Variants in EFHC1 observed in about 807,000 individuals in gnomAD.
EFHC1 encodes EF-hand domain containing 1, also known as EF-hand domain-containing protein 1.
A neutral mutation model predicts 69.9 loss-of-function variants in EFHC1; 53 were observed. That is an observed-to-expected ratio of 0.76 (90% CI 0.61 to 0.95). EFHC1 has a LOEUF of 0.95. EFHC1 is among the 40% of genes least tolerant of loss of function. The pLI is 0.00. For synonymous variants in EFHC1, 256 were observed against 278.4 expected (o/e 0.92, Z 0.80); for missense variants, 739 against 798.7 (o/e 0.93, Z 0.90).
intron 7 of EFHC1, among the ~76,000 whole-genome samples, chr6:52,474,328 T>G (rs903737018): frequency 6.6e-6 from 1 of 152,132 alleles, no homozygotes; most frequent in Non-Finnish European, 1.5e-5. Context: ...TATGTACATA[T>G]GAGAAGTTGC....
At chr6:52,451,079 C>A (rs1764907194) in intron 3 of EFHC1, among the ~76,000 whole-genome samples, 1 of 152,126 alleles carries the variant, frequency 6.6e-6, no homozygotes, top group Admixed American at 6.5e-5. Context: ...GGATTACAGG[C>A]ATGAGCCACC....
intron 4 of EFHC1, chr6:52,453,116 T>C: frequency 7.0e-7 from 1 of 1,428,082 alleles, no homozygotes; most frequent in South Asian, 1.2e-5. Flanking sequence ...GAGCTACATC[T>C]GCTTCCCACC....
chr6:52,480,082 C>T lies in EFHC1; in HGVS notation c.1640+295C>T, dbSNP rs950573781. On this transcript the variant is annotated intron_variant, in intron 9 of 10. Transcript: ENST00000371068. ...CTTTTGACACCCCAAAACTTAACTA[C>T]TAATAGCCTACTCTTGACTGTAAGC... The T allele has an allele frequency of 8.4e-6, 5 of 592,804 alleles. 1 individual carries two copies. The highest frequency in any genetic ancestry group is 6.1e-5 in the South Asian group (3 of 48,850). The allele number at this position is 592,804 out of a possible 1,614,324, so 36.7% of individuals were successfully genotyped here. A position where few individuals can be genotyped will look rare whatever the true frequency, so the allele number is the denominator to read the frequency against.
At chr6:52,487,949 A>T (rs535011424) in intron 9 of EFHC1, 1 of 152,346 alleles carries the variant, frequency 6.6e-6, no homozygotes, top group African/African-American at 2.4e-5. Context: ...GCAATAAAGT[A>T]GGGGCTGTAA....
In EFHC1 at chr6:52,435,556, C is replaced by T. The variant is rs993397267; in HGVS notation, c.286-2748C>T. Among the ~76,000 whole-genome samples the T allele has an allele frequency of 2.0e-5, 3 of 152,230 alleles. No individual in the cohort carries two copies. The East Asian group carries it at 5.8e-4, about 29-fold the overall frequency. On this transcript the variant is annotated intron_variant, in intron 2 of 10. Transcript: ENST00000371068. ...CAGCACTGGGTTTTCCTCAACACCT[C>T]ATCTGCTTCCACCTTCCCACTTCCT... is the stretch of plus-strand genomic sequence containing the variant.
At chr6:52,443,058 C>T (rs1437581061) in intron 3 of EFHC1, among the ~76,000 whole-genome samples, 13 of 152,236 alleles carry the variant, frequency 8.5e-5, no homozygotes, top group South Asian at 2.1e-4. Flanking sequence ...CATTTTTTCA[C>T]GTATCTGTTG....
At chr6:52,422,974 TGA>T (rs1284404679) in intron 1 of EFHC1, among the ~76,000 whole-genome samples, 1 of 152,194 alleles carries the variant, frequency 6.6e-6, no homozygotes, top group Non-Finnish European at 1.5e-5. Context: ...ATCCATTGAG[TGA>T]GTTTTCGATC....
At position 52,495,017 on chromosome 6, in the gene EFHC1, A is replaced by G; in HGVS notation, c.*2676A>G. 2.2e-6 allele frequency: 1 copy of G among 454,062 alleles called. No homozygotes were observed. Among genetic ancestry groups the G allele is most frequent in the East Asian group, 7.0e-5 (1 of 14,388 alleles). The allele number at this position is 454,062 out of a possible 1,614,324, so 28.1% of individuals were successfully genotyped here. ...TTGGTGAGTTCTTAGAACTCTTTCC[A>G]ACCGGAAACTGCCCAGTGCACCACT... On this transcript the variant is annotated 3_prime_UTR_variant, in exon 11 of 11. Transcript: ENST00000371068.
chr6:52,442,412 A>G lies in EFHC1; in HGVS notation c.573+3821A>G, dbSNP rs1764685342. On this transcript the variant is annotated intron_variant, in intron 3 of 10. Transcript: ENST00000371068. ...GCTGTACCCATTAATTTGTCATTCA[A>G]TTAGGTATATCTCCTAGTGGTATCC... is the stretch of plus-strand genomic sequence containing the variant. Among the ~76,000 whole-genome samples the G allele has an allele frequency of 4.6e-5, 7 of 152,054 alleles. 1 individual carries two copies. Among genetic ancestry groups the G allele is most frequent in the African/African-American group, 4.8e-5 (2 of 41,434 alleles).
rs1413150024 is a variant in EFHC1, at chr6:52,494,393, G to A, written c.*2052G>A. ...GGTTTCTTCTTACTCCCTTCTTTCT[G>A]TCTTCTGCTCCCTTTGTTCCTATTC... On this transcript the variant is annotated 3_prime_UTR_variant, in exon 11 of 11. Coordinates refer to ENST00000371068, the MANE Select transcript of EFHC1 (RefSeq NM_018100.4). The A allele has an allele frequency of 4.4e-6, 2 of 454,082 alleles. No homozygotes were observed. Among genetic ancestry groups the A allele is most frequent in the Non-Finnish European group, 4.4e-6 (1 of 226,790 alleles). 28.1% of individuals were successfully genotyped at this position (454,082 alleles called of 1,614,324 possible).
At chr6:52,435,709 A>G (rs1197667135) in intron 2 of EFHC1, among the ~76,000 whole-genome samples, 1 of 152,128 alleles carries the variant, frequency 6.6e-6, no homozygotes. Context: ...TAGCCTGCAT[A>G]CTGCTGCTGG....
Position 52,465,057 on chromosome 6 carries a change from G to A in EFHC1, c.1079G>A (p.Gly360Glu). Residue 360 changes from glycine (G) to glutamate (E), a missense_variant, in exon 6 of 11, where the codon GGA (glycine) becomes GAA (glutamate). Physicochemically the swap from Gly to Glu is moderately conservative, Grantham distance 98. Transcript: ENST00000371068. The stretch of plus-strand genomic sequence containing the variant: ...CGACGGTATTACAAAGAGAAGTTTG[G>A]AATCACTGATTTACCACGTATTGAT... Reference protein sequence around the residue: ...FTRRYYKEKFGITDLPRIDVS... With the variant: ...FTRRYYKEKFEITDLPRIDVS... 1 of 1,614,022 alleles carries A rather than the reference G, an allele frequency of 6.2e-7. No homozygotes were observed. The highest frequency in any genetic ancestry group is 1.1e-5 in the South Asian group (1 of 91,082).
intron 3 of EFHC1, among the ~76,000 whole-genome samples, chr6:52,442,564 C>T (rs566659580): frequency 5.9e-5 from 9 of 151,964 alleles, no homozygotes; most frequent in South Asian, 2.1e-4. Context: ...TCTGTCCTTG[C>T]GATAGTTTGC....
At chr6:52,491,540 G>T (rs1765904582) in intron 10 of EFHC1, among the ~76,000 whole-genome samples, 2 of 147,514 alleles carry the variant, frequency 1.4e-5, no homozygotes, top group South Asian at 4.3e-4. Context: ...AACTAAAAGT[G>T]CTTTTATAAA....
In EFHC1 at chr6:52,494,841, T is replaced by G; in HGVS notation, c.*2500T>G. 1 of 452,326 alleles carries G rather than the reference T, an allele frequency of 2.2e-6. No homozygotes were observed. Among genetic ancestry groups the G allele is most frequent in the Non-Finnish European group, 4.4e-6 (1 of 225,394 alleles). 28.0% of individuals were successfully genotyped at this position (452,326 alleles called of 1,614,324 possible). ...ATCAATTCACTTTAGGATAATGGCC[T>G]CCAGCTGCATCCATGTTGCTGCAGA... is the stretch of plus-strand genomic sequence containing the variant. On this transcript the variant is annotated 3_prime_UTR_variant, in exon 11 of 11. Transcript: ENST00000371068.
intron 6 of EFHC1, chr6:52,468,701 T>A (rs1765367985): frequency 1.3e-5 from 2 of 154,360 alleles, no homozygotes. Context: ...CAGCTCAGGG[T>A]TCCTCTGTCC....
chr6:52,485,097 TAAAC>T (rs1308466594), intron 9 of EFHC1: 1 of 152,088 alleles, frequency 6.6e-6, no homozygotes, highest in Non-Finnish European at 1.5e-5. Flanking sequence ...CCTCAGGACT[TAAAC>T]AAATATGATA....
rs1562467492 is a variant in EFHC1 at position 52,493,352 on chromosome 6, TTCTC to T, written c.*1019_*1022del. 2 of 277,884 alleles carry T rather than the reference TTCTC, an allele frequency of 7.2e-6. No individual in the cohort carries two copies. The highest frequency in any genetic ancestry group is 4.8e-5 in the African/African-American group (1 of 20,668). The allele number at this position is 277,884 out of a possible 1,614,324, so 17.2% of individuals were successfully genotyped here. A position where few individuals can be genotyped will look rare whatever the true frequency, so the allele number is the denominator to read the frequency against. On this transcript the variant is annotated 3_prime_UTR_variant, in exon 11 of 11. Transcript: ENST00000371068. ...TGAGCAATTTCTTATAACTCTCTCT[TTCTC>T]TCTCTCTACATATATATATATATAT...
intron 6 of EFHC1, among the ~76,000 whole-genome samples, chr6:52,467,222 C>T (rs72923495): frequency 0.19 from 28,237 of 148,918 alleles, 3,139 homozygotes; most frequent in Admixed American, 0.34. Context: ...TGCTCTGTGT[C>T]CCAGGCTGGA....
Sources: allele counts gnomAD v4.1 joint callset (sites outside exome capture counted in the v4.1 genomes callset), GRCh38; gene constraint gnomAD v4.1.1; transcripts MANE v1.5; gene names NCBI Gene and HGNC (gene_info 2026-07-23, HGNC 2026-07-21).